The following SUPT20H variants were observed in gnomAD, a reference collection of about 807,000 sequenced individuals.
SUPT20H encodes the protein transcription factor SPT20 homolog.
Under a neutral mutation model 122.8 loss-of-function variants are expected in SUPT20H, and 82 were observed. The ratio of observed to expected loss-of-function variants is 0.67; its 90% CI spans 0.56 to 0.80. The LOEUF is 0.80. SUPT20H is among the 30% of genes least tolerant of loss of function. The probability of loss-of-function intolerance (pLI) is 0.00; values close to 1 mark genes in which losing one functional copy is unlikely to be tolerated. For missense variants in SUPT20H, 831 were observed against 921.6 expected (o/e 0.90, Z 1.27); for synonymous variants, 291 against 313.0 (o/e 0.93, Z 0.74).
At chr13:37,012,350 C>T in intron 23 of SUPT20H, 53 bp from the exon 24 acceptor site, 2 of 1,446,672 alleles carry the variant, frequency 1.4e-6, no homozygotes, top group Non-Finnish European at 1.9e-6. Context: ...CAAATTTGAG[C>T]TGGTGAAAAG....
chr13:37,056,700 G>T (rs924957783), intron 1 of SUPT20H, among the ~76,000 whole-genome samples: 2 of 151,594 alleles, frequency 1.3e-5, no homozygotes, highest in Non-Finnish European at 2.9e-5. Context: ...CACCAACATG[G>T]CACATGTATA....
At chr13:37,028,121 C>A (rs202148987) in intron 14 of SUPT20H, 27 bp downstream of exon 14, 3 of 1,479,116 alleles carry the variant, frequency 2.0e-6, no homozygotes, top group South Asian at 2.9e-5. Context: ...TTTTTTTTTC[C>A]AGTTACTTGT....
chr13:37,026,094 A>C (rs1335197765), intron 16 of SUPT20H, 110 bp downstream of exon 16: 3 of 834,102 alleles, frequency 3.6e-6, no homozygotes, highest in Non-Finnish European at 5.7e-6. Context: ...AAATATGGTT[A>C]ACAGCATAAC....
chr13:37,043,628 A>G (rs754747789), intron 7 of SUPT20H, among the ~76,000 whole-genome samples: 4 of 152,044 alleles, frequency 2.6e-5, no homozygotes, highest in Non-Finnish European at 5.9e-5. Flanking sequence ...AGATAGCTAT[A>G]TATGTCTCAT....
At chr13:37,027,753 T>C (rs1298539026) in intron 14 of SUPT20H, among the ~76,000 whole-genome samples, 1 of 152,166 alleles carries the variant, frequency 6.6e-6, no homozygotes, top group Non-Finnish European at 1.5e-5. Flanking sequence ...TGAGTCTGTG[T>C]CCTTACATGC....
intron 2 of SUPT20H, among the ~76,000 whole-genome samples, chr13:37,050,097 T>C (rs1328064809): frequency 1.3e-5 from 2 of 152,166 alleles, no homozygotes; most frequent in Non-Finnish European, 2.9e-5. Context: ...CCAAAAATAG[T>C]GGGCCTTCTT....
At chr13:37,042,197 A>G (rs1385669147) in intron 7 of SUPT20H, among the ~76,000 whole-genome samples, 1 of 152,204 alleles carries the variant, frequency 6.6e-6, no homozygotes, top group Non-Finnish European at 1.5e-5. Context: ...TGAATGTGGA[A>G]GGTAAGGACA....
At chr13:37,015,119 T>C (rs1386641860) in intron 23 of SUPT20H, among the ~76,000 whole-genome samples, 1 of 148,362 alleles carries the variant, frequency 6.7e-6, no homozygotes, top group Non-Finnish European at 1.5e-5. Context: ...TTCAATATGA[T>C]ACCAAAAGCA....
At chr13:37,032,410 A>T (rs2063525104) in intron 10 of SUPT20H, among the ~76,000 whole-genome samples, 1 of 152,178 alleles carries the variant, frequency 6.6e-6, no homozygotes, top group East Asian at 1.9e-4. Flanking sequence ...AGCTGAATAA[A>T]CAGAAAAATC....
intron 9 of SUPT20H, among the ~76,000 whole-genome samples, chr13:37,037,491 A>G (rs939691399): frequency 6.6e-6 from 1 of 152,250 alleles, no homozygotes; most frequent in Non-Finnish European, 1.5e-5. Context: ...CGGAATGGTC[A>G]GGTTGTAAGA....
At chr13:37,018,070 C>A (rs1435963791) in intron 22 of SUPT20H, among the ~76,000 whole-genome samples, 1 of 151,364 alleles carries the variant, frequency 6.6e-6, no homozygotes, top group Admixed American at 6.6e-5. Context: ...GGAGAATGTC[C>A]AAGACAATAC....
chr13:37,024,209 A>C lies in SUPT20H; in HGVS notation c.1433-16T>G. Reference sequence around the variant, plus strand: ...AAATAGTTACCTAGAAGAACATAAAAGTTATTTCCTAAATTTATAATTCAA... The same window carrying C: ...AAATAGTTACCTAGAAGAACATAAACGTTATTTCCTAAATTTATAATTCAA... On this transcript the variant is annotated splice_polypyrimidine_tract_variant and intron_variant, in intron 18 of 25. Coordinates refer to ENST00000350612, the MANE Select transcript of SUPT20H (RefSeq NM_001014286.3). 6.3e-7 allele frequency: 1 copy of C among 1,591,958 alleles called. No individual in the cohort carries two copies. Among genetic ancestry groups the C allele is most frequent in the Non-Finnish European group, 8.5e-7 (1 of 1,171,280 alleles).
At position 37,010,581 on chromosome 13, in the gene SUPT20H, C is replaced by T. The variant is rs1329513136; in HGVS notation, c.2173G>A (p.Ala725Thr). The change falls in exon 25 of 26, where the codon GCC (alanine) becomes ACC (threonine). Residue 725 changes from alanine (A) to threonine (T), a missense_variant. Physicochemically the swap from Ala to Thr is moderately conservative, Grantham distance 58. Transcript: ENST00000350612. ...LPQQRFQLSSAFQQQQQQIQQ... is the reference protein window; with the variant it reads ...LPQQRFQLSSTFQQQQQQIQQ... ...ATCTGTTGCTGCTGCTGTTGAAAGG[C>T]AGAGGAGAGCTGGAATCTCTGCTGA... 5 of 1,613,678 alleles carry T rather than the reference C, an allele frequency of 3.1e-6. No individual in the cohort carries two copies. The highest frequency in any genetic ancestry group is 1.3e-5 in the African/African-American group (1 of 74,844).
At chr13:37,033,331 T>C in intron 10 of SUPT20H, 118 bp downstream of exon 10, 2 of 1,287,714 alleles carry the variant, frequency 1.6e-6, no homozygotes, top group Non-Finnish European at 1.1e-6. Flanking sequence ...AGAGACCTCA[T>C]CTCTACCCTT....
At chr13:37,040,311 G>C (rs1209188867) in intron 9 of SUPT20H, 94 bp downstream of exon 9, 1 of 1,118,048 alleles carries the variant, frequency 8.9e-7, no homozygotes, top group Non-Finnish European at 1.3e-6. Flanking sequence ...CTTAATTATT[G>C]AATAAAAATA....
At chr13:37,018,288 C>T (rs1368887192) in intron 22 of SUPT20H, among the ~76,000 whole-genome samples, 7 of 152,162 alleles carry the variant, frequency 4.6e-5, no homozygotes, top group African/African-American at 1.7e-4. Context: ...TTCCTGTTAA[C>T]ACTGAGACTG....
chr13:37,046,132 C>G (rs2066374993), intron 5 of SUPT20H, among the ~76,000 whole-genome samples: 1 of 151,912 alleles, frequency 6.6e-6, no homozygotes, highest in Admixed American at 6.6e-5. Flanking sequence ...ATATATTAAA[C>G]ATATATCATA....
In SUPT20H at chr13:37,026,648, A is replaced by G. The variant is rs1410718458; in HGVS notation, c.1178+142T>C. 6.6e-5 allele frequency: 37 copies of G among 562,106 alleles called. 1 individual carries two copies. In the South Asian group the frequency reaches 9.5e-4, roughly 14 times the overall value. 34.8% of individuals were successfully genotyped at this position (562,106 alleles called of 1,614,324 possible). ...TTTAGAAGTTACTATTAATGTCTAC[A>G]TAACAGATCCTTAGAATATATTTCA... On this transcript the variant is annotated intron_variant, in intron 15 of 25. Transcript: ENST00000350612.
At chr13:37,029,908 T>G in intron 12 of SUPT20H, 72 bp from the exon 13 acceptor site, 1 of 1,231,354 alleles carries the variant, frequency 8.1e-7, no homozygotes, top group Non-Finnish European at 1.1e-6. Context: ...AGTATTCTGA[T>G]CAAAGAGAAG....
Sources: allele counts gnomAD v4.1 joint callset (sites outside exome capture counted in the v4.1 genomes callset), GRCh38; gene constraint gnomAD v4.1.1; transcripts MANE v1.5; gene names NCBI Gene and HGNC (gene_info 2026-07-23, HGNC 2026-07-21).